Variants in FILIP1 observed in about 807,000 individuals in gnomAD.
FILIP1 encodes the protein filamin A interacting protein 1, also known as filamin-A-interacting protein 1.
Under a neutral mutation model 102.1 loss-of-function variants are expected in FILIP1, and 61 were observed. The ratio of observed to expected loss-of-function variants is 0.60; its 90% CI spans 0.49 to 0.74. FILIP1 has a LOEUF of 0.74. Among genes scored for constraint, FILIP1 ranks in the 30% least tolerant of loss-of-function variants. The probability of loss-of-function intolerance (pLI) is 0.00; values close to 1 mark genes in which losing one functional copy is unlikely to be tolerated. For missense variants in FILIP1, 1,314 were observed against 1,441.2 expected (o/e 0.91, Z 1.43); for synonymous variants, 491 against 526.9 (o/e 0.93, Z 0.93).
intron 4 of FILIP1, among the ~76,000 whole-genome samples, chr6:75,336,976 C>A (rs1288667640): frequency 2.0e-5 from 3 of 152,124 alleles, no homozygotes; most frequent in Admixed American, 6.5e-5. Flanking sequence ...TTCTGAAGGG[C>A]AGGGTTCTTT....
At position 75,312,959 on chromosome 6, in the gene FILIP1, G is replaced by C. The variant is rs778992996; in HGVS notation, c.2873C>G (p.Pro958Arg). 1.2e-6 allele frequency: 2 copies of C among 1,614,148 alleles called. No individual in the cohort carries two copies. The highest frequency in any genetic ancestry group is 1.7e-6 in the Non-Finnish European group (2 of 1,180,018). The change falls in exon 5 of 6, where the codon CCA (proline) becomes CGA (arginine). Residue 958 changes from proline to arginine, a missense_variant. Physicochemically the swap from Pro to Arg is moderately radical, Grantham distance 103. Transcript: ENST00000237172. Reference protein sequence around the residue: ...QKPRITIIPSPNVMPQKQKSG... With the variant: ...QKPRITIIPSRNVMPQKQKSG... ...TTTTTGTTTTTGAGGCATAACGTTT[G>C]GTGATGGAATAATGGTTATTCTTGG...
intron 1 of FILIP1, among the ~76,000 whole-genome samples, chr6:75,481,046 C>T (rs1157455854): frequency 6.6e-6 from 1 of 152,116 alleles, no homozygotes; most frequent in African/African-American, 2.4e-5. Context: ...TTGTCAGGCC[C>T]TATCTTATTT....
chr6:75,402,748 A>T (rs1419391764), intron 2 of FILIP1, among the ~76,000 whole-genome samples: 1 of 152,236 alleles, frequency 6.6e-6, no homozygotes, highest in African/African-American at 2.4e-5. Flanking sequence ...TAAAAATGAC[A>T]GAAAAGTAGA....
At chr6:75,437,492 G>A (rs1215382801) in intron 1 of FILIP1, among the ~76,000 whole-genome samples, 1 of 152,210 alleles carries the variant, frequency 6.6e-6, no homozygotes, top group Non-Finnish European at 1.5e-5. Flanking sequence ...GGCCAGAGAT[G>A]CCTCATGGGA....
In FILIP1 at chr6:75,408,073, G is replaced by A. The variant is rs1776934819; in HGVS notation, c.276+6624C>T. ...CATGGTGCCCAAATGATGGGCCGGG[G>A]TACTATTTTATTACTTTCAGTTTAA... is the stretch of plus-strand genomic sequence containing the variant. On this transcript the variant is annotated intron_variant, in intron 2 of 5. Coordinates refer to ENST00000237172, the MANE Select transcript of FILIP1 (RefSeq NM_015687.5). Among the ~76,000 whole-genome samples, 3 of 152,146 alleles carry A rather than the reference G, an allele frequency of 2.0e-5. No individual in the cohort carries two copies. In the South Asian group the frequency reaches 6.2e-4, roughly 32 times the overall value.
chr6:75,400,999 C>A (rs72887225), intron 2 of FILIP1, among the ~76,000 whole-genome samples: 191 of 150,308 alleles, frequency 1.3e-3, no homozygotes, highest in African/African-American at 4.5e-3. Context: ...ATCTATAAAG[C>A]GTTTAAGTGT....
intron 2 of FILIP1, among the ~76,000 whole-genome samples, chr6:75,392,532 A>T (rs1418982151): frequency 6.6e-6 from 1 of 152,156 alleles, no homozygotes; most frequent in Non-Finnish European, 1.5e-5. Context: ...CAGGCAAACA[A>T]CCTTGGAGTC....
At chr6:75,324,355 A>T (rs1562459303) in intron 4 of FILIP1, among the ~76,000 whole-genome samples, 2 of 151,542 alleles carry the variant, frequency 1.3e-5, no homozygotes, top group Non-Finnish European at 2.9e-5. Flanking sequence ...CAAAAAAAAA[A>T]AAAAAGGAAA....
chr6:75,332,413 G>A (rs969408339), intron 4 of FILIP1, among the ~76,000 whole-genome samples: 1 of 152,070 alleles, frequency 6.6e-6, no homozygotes, highest in Non-Finnish European at 1.5e-5. Context: ...TTTTCACTAG[G>A]AACAGGAAAA....
intron 4 of FILIP1, among the ~76,000 whole-genome samples, chr6:75,331,449 T>G (rs1213018265): frequency 6.6e-6 from 1 of 152,180 alleles, no homozygotes; most frequent in Non-Finnish European, 1.5e-5. Context: ...ATGGGCAGAA[T>G]GTCTCCTCCC....
chr6:75,305,080 G>A (rs1390093906), downstream of FILIP1, among the ~76,000 whole-genome samples: 1 of 152,100 alleles, frequency 6.6e-6, no homozygotes, highest in Non-Finnish European at 1.5e-5. Flanking sequence ...GGAAAGACCA[G>A]AGAACAAAGA....
At chr6:75,488,161 G>A (rs145373251) in intron 1 of FILIP1, among the ~76,000 whole-genome samples, 7 of 152,218 alleles carry the variant, frequency 4.6e-5, no homozygotes, top group Non-Finnish European at 8.8e-5. Context: ...CAGTGTTGCT[G>A]TGGCTTAAAC....
At chr6:75,373,465 T>TTTTA (rs1489161600) in intron 2 of FILIP1, among the ~76,000 whole-genome samples, 3 of 152,252 alleles carry the variant, frequency 2.0e-5, no homozygotes, top group South Asian at 4.1e-4. Flanking sequence ...ACAATCTTAT[T>TTTTA]TTTATTTATT....
At chr6:75,415,450 T>C (rs1361556564) in intron 1 of FILIP1, among the ~76,000 whole-genome samples, 1 of 146,042 alleles carries the variant, frequency 6.8e-6, no homozygotes, top group South Asian at 2.2e-4. Context: ...AAAACTGTTC[T>C]AAGATAAAAT....
At chr6:75,323,812 G>C (rs1218315295) in intron 4 of FILIP1, among the ~76,000 whole-genome samples, 1 of 151,174 alleles carries the variant, frequency 6.6e-6, no homozygotes, top group Non-Finnish European at 1.5e-5. Context: ...TGGACCTGTT[G>C]GTAGGTGATT....
At chr6:75,441,532 G>GCTC (rs1312556651) in intron 1 of FILIP1, among the ~76,000 whole-genome samples, 1 of 152,048 alleles carries the variant, frequency 6.6e-6, no homozygotes, top group East Asian at 1.9e-4. Context: ...GGGTAGAGGG[G>GCTC]CTCCTCACTT....
At chr6:75,445,431 C>A (rs1034729531) in intron 1 of FILIP1, among the ~76,000 whole-genome samples, 1 of 152,032 alleles carries the variant, frequency 6.6e-6, no homozygotes, top group Admixed American at 6.6e-5. Context: ...CTCTCCTACT[C>A]CCCACACTAT....
chr6:75,425,051 T>G (rs1476938488), intron 1 of FILIP1, among the ~76,000 whole-genome samples: 1 of 152,190 alleles, frequency 6.6e-6, no homozygotes, highest in African/African-American at 2.4e-5. Flanking sequence ...TAATTGGCCC[T>G]GAGATCCCTT....
intron 2 of FILIP1, among the ~76,000 whole-genome samples, chr6:75,380,618 G>C (rs1489754916): frequency 6.6e-6 from 1 of 152,034 alleles, no homozygotes; most frequent in East Asian, 1.9e-4. Context: ...TGTTTAAAAA[G>C]AAGGACAAAG....
Sources: allele counts gnomAD v4.1 joint callset (sites outside exome capture counted in the v4.1 genomes callset), GRCh38; gene constraint gnomAD v4.1.1; transcripts MANE v1.5; gene names NCBI Gene and HGNC (gene_info 2026-07-23, HGNC 2026-07-21).